Variants in MAML2 observed in about 807,000 individuals in gnomAD.
MAML2 encodes the protein mastermind like transcriptional coactivator 2.
Under a neutral mutation model 96.1 loss-of-function variants are expected in MAML2, and 22 were observed. That is an observed-to-expected ratio of 0.23 (90% CI 0.16 to 0.33). The LOEUF is 0.33. MAML2 is among the 10% of genes least tolerant of loss of function. The pLI is 1.00. For synonymous variants in MAML2, 561 were observed against 521.3 expected, an observed-to-expected ratio of 1.08 and a Z score of -1.04; for missense variants, 1,367 against 1,392.4, an observed-to-expected ratio of 0.98 and a Z score of 0.29.
At chr11:95,980,222 T>C (rs1328289913) in intron 4 of MAML2, among the ~76,000 whole-genome samples, 1 of 152,180 alleles carries the variant, frequency 6.6e-6, no homozygotes, top group Non-Finnish European at 1.5e-5. Flanking sequence ...AGGTTTTATT[T>C]TATTCCTCTT....
chr11:95,979,452 A>G lies in MAML2; in HGVS notation c.2967T>C (p.Gly989=). 3 of 1,613,508 alleles carry G rather than the reference A, an allele frequency of 1.9e-6. No homozygotes were observed. Among genetic ancestry groups the G allele is most frequent in the Non-Finnish European group, 2.5e-6 (3 of 1,179,728 alleles). Residue 989 remains glycine (G), a synonymous_variant, in exon 5 of 5, where the codon GGT becomes GGC. Coordinates refer to ENST00000524717, the MANE Select transcript of MAML2 (RefSeq NM_032427.4). ...GATTTGGGGTATAGGCTGCAGGTGT[A>G]CCTGTGGGGAAGCGGACTCCTGCAG... The part of the protein sequence containing the change: ...LTSAGVRFPT[G]TPAAYTPNQS...
chr11:96,225,647 C>T (rs1022661521), intron 1 of MAML2, among the ~76,000 whole-genome samples: 3 of 152,066 alleles, frequency 2.0e-5, no homozygotes, highest in African/African-American at 7.2e-5. Context: ...GCCTGAGCAA[C>T]ATGGTGAAAC....
intron 1 of MAML2, among the ~76,000 whole-genome samples, chr11:96,275,015 A>C (rs1162134262): frequency 1.3e-5 from 2 of 152,134 alleles, no homozygotes; most frequent in Non-Finnish European, 1.5e-5. Context: ...ATTCCATGTT[A>C]ATGTATATGT....
At chr11:96,332,538 CCT>C (rs1863867750) in intron 1 of MAML2, among the ~76,000 whole-genome samples, 1 of 152,168 alleles carries the variant, frequency 6.6e-6, no homozygotes, top group Non-Finnish European at 1.5e-5. Flanking sequence ...TAAACGGTTG[CCT>C]CTGTCTGTTG....
At chr11:96,000,279 T>A (rs1242761641) in intron 2 of MAML2, among the ~76,000 whole-genome samples, 1 of 152,212 alleles carries the variant, frequency 6.6e-6, no homozygotes, top group Non-Finnish European at 1.5e-5. Context: ...AGTTTCTATT[T>A]CAAGGGTCAG....
Position 96,096,311 on chromosome 11 carries a change from T to C in MAML2, c.514-2794A>G, listed in dbSNP as rs960582244. On this transcript the variant is annotated intron_variant, in intron 1 of 4. Coordinates refer to ENST00000524717, the MANE Select transcript of MAML2 (RefSeq NM_032427.4). ...AGTGTAGAGACAGTAATAGAATTAG[T>C]GATAATTGTATAATAATGAGTCATT... Among the ~76,000 whole-genome samples the C allele has an allele frequency of 2.0e-5, 3 of 152,174 alleles. No homozygotes were observed. In the East Asian group the frequency reaches 5.8e-4, roughly 29 times the overall value.
At chr11:96,082,307 A>G (rs1282625506) in intron 2 of MAML2, among the ~76,000 whole-genome samples, 17 of 152,186 alleles carry the variant, frequency 1.1e-4, no homozygotes, top group Non-Finnish European at 2.1e-4. Flanking sequence ...AGAGACCTAA[A>G]CGAAATTATA....
chr11:96,185,515 G>A (rs1243874626), intron 1 of MAML2, among the ~76,000 whole-genome samples: 1 of 152,216 alleles, frequency 6.6e-6, no homozygotes, highest in Non-Finnish European at 1.5e-5. Context: ...ACTCATGACT[G>A]GAGGATTGTT....
In MAML2 at chr11:96,057,290, G is replaced by A. The variant is rs528913194; in HGVS notation, c.2139+34602C>T. ...GCCATTTCGTTCCTGATTTGGAGTTGATATCCCCTGCATGCCTCTCTCACA... is the reference window on the plus strand; with the variant it reads ...GCCATTTCGTTCCTGATTTGGAGTTAATATCCCCTGCATGCCTCTCTCACA... On this transcript the variant is annotated intron_variant, in intron 2 of 4. Coordinates refer to ENST00000524717, the MANE Select transcript of MAML2 (RefSeq NM_032427.4). 3.9e-5 allele frequency among the ~76,000 whole-genome samples: 6 copies of A among 152,230 alleles called. No individual in the cohort carries two copies. In the South Asian group the frequency reaches 1.2e-3, roughly 32 times the overall value.
chr11:96,001,122 T>C (rs550409211), intron 2 of MAML2, among the ~76,000 whole-genome samples: 1 of 152,328 alleles, frequency 6.6e-6, no homozygotes, highest in African/African-American at 2.4e-5. Flanking sequence ...TTAGAATGAA[T>C]TTCATAGTCA....
At chr11:96,034,424 TGTGTGTGTGA>T (rs1236670415) in intron 2 of MAML2, among the ~76,000 whole-genome samples, 1 of 99,820 alleles carries the variant, frequency 1.0e-5, no homozygotes, top group Non-Finnish European at 2.0e-5. Context: ...TGTGTGTGTG[TGTGTGTGTGA>T]GAGAGAGAGA....
intron 1 of MAML2, among the ~76,000 whole-genome samples, chr11:96,308,972 C>A (rs1591125487): frequency 6.6e-6 from 1 of 152,054 alleles, no homozygotes; most frequent in African/African-American, 2.4e-5. Context: ...AATGCTGCAG[C>A]ATAAACAAAT....
intron 1 of MAML2, among the ~76,000 whole-genome samples, chr11:96,270,001 G>A (rs1862892808): frequency 7.0e-6 from 1 of 143,742 alleles, no homozygotes. Flanking sequence ...ACAAATGTAT[G>A]TCTTTAACCC....
chr11:96,003,353 T>C (rs1224331804), intron 2 of MAML2, among the ~76,000 whole-genome samples: 6 of 152,180 alleles, frequency 3.9e-5, no homozygotes, highest in African/African-American at 1.4e-4. Flanking sequence ...TTTATCTTAA[T>C]GAGTCCCCAT....
At chr11:96,184,164 T>C (rs531276) in intron 1 of MAML2, among the ~76,000 whole-genome samples, 132,815 of 152,144 alleles carry the variant, frequency 0.87, 58,116 homozygotes, top group Middle Eastern at 0.93. Flanking sequence ...CGCATAAAGC[T>C]GGGCACGGCG....
intron 2 of MAML2, among the ~76,000 whole-genome samples, chr11:96,075,873 T>G (rs561522740): frequency 1.3e-5 from 2 of 152,350 alleles, no homozygotes; most frequent in Admixed American, 6.5e-5. Context: ...GGCATTCAGA[T>G]AGCGCCTTGC....
intron 1 of MAML2, among the ~76,000 whole-genome samples, chr11:96,203,190 A>C (rs1861850448): frequency 6.6e-6 from 1 of 152,250 alleles, no homozygotes; most frequent in Non-Finnish European, 1.5e-5. Flanking sequence ...GGCACTGGGC[A>C]TTCAGACATA....
intron 1 of MAML2, among the ~76,000 whole-genome samples, chr11:96,180,946 G>A (rs1591058766): frequency 6.6e-6 from 1 of 151,440 alleles, no homozygotes; most frequent in East Asian, 1.9e-4. Context: ...GGGGTCACAA[G>A]GTGCTCAGTG....
chr11:96,012,544 A>G (rs1306021287), intron 2 of MAML2, among the ~76,000 whole-genome samples: 1 of 152,156 alleles, frequency 6.6e-6, no homozygotes, highest in East Asian at 1.9e-4. Flanking sequence ...CTATGTGCAC[A>G]TGTCTTGACT....
Sources: allele counts gnomAD v4.1 joint callset (sites outside exome capture counted in the v4.1 genomes callset), GRCh38; gene constraint gnomAD v4.1.1; transcripts MANE v1.5; gene names NCBI Gene and HGNC (gene_info 2026-07-23, HGNC 2026-07-21).